Variants in UNC45B observed in about 807,000 individuals in gnomAD.
UNC45B encodes unc-45 myosin chaperone B.
In UNC45B, 78 loss-of-function variants were observed where a neutral mutation model predicts 98.7. The observed-to-expected ratio is 0.79, with a 90% CI of 0.66 to 0.95. The LOEUF (loss-of-function observed/expected upper bound fraction) is 0.95. Ranked by LOEUF, UNC45B falls within the 40% of genes least tolerant of loss-of-function variation. The pLI is 0.00. For synonymous variants in UNC45B, 462 were observed against 480.4 expected (o/e 0.96, Z 0.50); for missense variants, 1,225 against 1,184.9 (o/e 1.03, Z -0.50).
At chr17:35,180,290 A>AGAGAGAGAGAGAGAGAGAGAG (rs1597934958) in intron 17 of UNC45B, among the ~76,000 whole-genome samples, 2 of 90,868 alleles carry the variant, frequency 2.2e-5, no homozygotes, top group East Asian at 8.5e-4. Context: ...GAGAGAGAGA[A>AGAGAGAGAGAGAGAGAGAGAG]TTTCTTTACT....
chr17:35,159,150 G>A (rs542505080), intron 7 of UNC45B, among the ~76,000 whole-genome samples: 1 of 152,184 alleles, frequency 6.6e-6, no homozygotes, highest in Non-Finnish European at 1.5e-5. Context: ...AGCTGTTGTA[G>A]AAGTCAGGGT....
chr17:35,176,089 C>T (rs1567766759), intron 15 of UNC45B, 55 bp downstream of exon 15: 23 of 1,563,768 alleles, frequency 1.5e-5, no homozygotes, highest in East Asian at 6.7e-5. Context: ...CTTTGCCTAG[C>T]GCAAGAATTA....
intron 7 of UNC45B, among the ~76,000 whole-genome samples, chr17:35,159,040 T>C (rs1200434448): frequency 1.3e-4 from 20 of 152,232 alleles, no homozygotes; most frequent in Admixed American, 1.3e-3. Flanking sequence ...TTTTATTAAA[T>C]CAGTTTATTA....
intron 7 of UNC45B, among the ~76,000 whole-genome samples, 157 bp downstream of exon 7, chr17:35,155,621 G>A (rs1248167630): frequency 6.6e-6 from 1 of 152,088 alleles, no homozygotes; most frequent in African/African-American, 2.4e-5. Context: ...TGTCACCCAG[G>A]CTGGAGTGCA....
intron 7 of UNC45B, among the ~76,000 whole-genome samples, chr17:35,159,008 C>T (rs1351577): frequency 0.78 from 118,936 of 152,174 alleles, 46,735 homozygotes; most frequent in East Asian, 0.95. Flanking sequence ...CTAAAAAGTA[C>T]AAATTCCCCT....
In UNC45B at chr17:35,164,030, C is replaced by G. The variant is rs1432773164; in HGVS notation, c.1015C>G (p.Pro339Ala). 1 of 1,613,890 alleles carries G rather than the reference C, an allele frequency of 6.2e-7. No individual in the cohort carries two copies. ...GATCCTGAAGGTTGTGGGGCAGGTT[C>G]CAGATCTGCCATCCTGCCTGCCCCT... ...RKILKVVGQV[P>A]DLPSCLPLTD... Residue 339 changes from proline to alanine, a missense_variant, in exon 9 of 20, where the codon CCA (proline) becomes GCA (alanine). Physicochemically the swap from Pro to Ala is conservative, Grantham distance 27. Transcript: ENST00000394570.
At position 35,187,867 on chromosome 17, in the gene UNC45B, G is replaced by A. The variant is rs545767698; in HGVS notation, c.*1308G>A. 2.0e-5 allele frequency: 3 copies of A among 152,176 alleles called. 1 individual carries two copies. The highest frequency in any genetic ancestry group is 4.8e-5 in the African/African-American group (2 of 41,428). 9.4% of individuals were successfully genotyped at this position (152,176 alleles called of 1,614,324 possible). The stretch of plus-strand genomic sequence containing the variant: ...TCCAGTATGTCCCAATTCTACCTAC[G>A]TTTATTGAAGGGTCAACAGTTCTGA... On this transcript the variant is annotated 3_prime_UTR_variant, in exon 20 of 20. Coordinates refer to ENST00000394570, the MANE Select transcript of UNC45B (RefSeq NM_001267052.2).
At chr17:35,180,490 T>A (rs983754925) in intron 17 of UNC45B, 69 bp from the exon 18 acceptor site, 13 of 1,225,152 alleles carry the variant, frequency 1.1e-5, no homozygotes, top group South Asian at 1.3e-5. Context: ...GGTCCCTGGG[T>A]GGCCAGAAAA....
intron 17 of UNC45B, 76 bp downstream of exon 17, chr17:35,177,686 T>A: frequency 9.0e-7 from 1 of 1,114,464 alleles, no homozygotes; most frequent in Non-Finnish European, 1.3e-6. Context: ...CATAATGTGC[T>A]GAGAATGCTC....
At chr17:35,164,674 G>A (rs997719431) in intron 9 of UNC45B, 2 of 152,192 alleles carry the variant, frequency 1.3e-5, no homozygotes, top group Non-Finnish European at 1.5e-5. Context: ...GAAGAAATTA[G>A]GTTTCAGCTT....
intron 2 of UNC45B, 87 bp from the exon 3 acceptor site, chr17:35,148,886 C>G (rs1464951186): frequency 6.5e-7 from 1 of 1,536,116 alleles, no homozygotes; most frequent in Non-Finnish European, 9.0e-7. Flanking sequence ...CCAGGAAACC[C>G]TCTCCCCACA....
chr17:35,154,798 A>G, intron 6 of UNC45B, 57 bp downstream of exon 6: 1 of 1,499,468 alleles, frequency 6.7e-7, no homozygotes, highest in Non-Finnish European at 8.8e-7. Context: ...AAGGATCCGG[A>G]GGGTGACGTG....
intron 3 of UNC45B, 63 bp from the exon 4 acceptor site, chr17:35,149,985 A>T: frequency 6.8e-7 from 1 of 1,479,876 alleles, no homozygotes; most frequent in South Asian, 1.4e-5. Flanking sequence ...GAGTTGGGGC[A>T]GTGGGGCTGG....
At chr17:35,162,657 TTG>T (rs1446229001) in intron 8 of UNC45B, among the ~76,000 whole-genome samples, 1 of 152,116 alleles carries the variant, frequency 6.6e-6, no homozygotes, top group Admixed American at 6.6e-5. Context: ...TGGCGTGATC[TTG>T]GCTCACTGAA....
chr17:35,179,832 A>G (rs1021083376), intron 17 of UNC45B, among the ~76,000 whole-genome samples: 1 of 152,086 alleles, frequency 6.6e-6, no homozygotes, highest in African/African-American at 2.4e-5. Context: ...GCAAGCCAAC[A>G]TGGCACGCAC....
At chr17:35,152,361 T>A (rs2142531419) in intron 4 of UNC45B, among the ~76,000 whole-genome samples, 1 of 152,226 alleles carries the variant, frequency 6.6e-6, no homozygotes, top group East Asian at 1.9e-4. Context: ...AGGATGATGA[T>A]CAGTTAGGTC....
intron 19 of UNC45B, among the ~76,000 whole-genome samples, chr17:35,184,947 G>A (rs1055508932): frequency 6.6e-6 from 1 of 152,114 alleles, no homozygotes; most frequent in Non-Finnish European, 1.5e-5. Flanking sequence ...TTCCTGCTCT[G>A]GAATCCTATC....
chr17:35,156,814 A>T (rs2092065874), intron 7 of UNC45B, among the ~76,000 whole-genome samples: 1 of 152,102 alleles, frequency 6.6e-6, no homozygotes, highest in Non-Finnish European at 1.5e-5. Context: ...TTTTTTTTTA[A>T]ACCATCAATA....
rs1048193939 is a variant in UNC45B, at chr17:35,164,393, G to A, written c.1151+227G>A. 7.6e-6 allele frequency: 3 copies of A among 393,538 alleles called. No homozygotes were observed. The Admixed American group carries it at 1.4e-4, about 18-fold the overall frequency. The allele number at this position is 393,538 out of a possible 1,614,324, so 24.4% of individuals were successfully genotyped here. ...GCCATCTGGAGGCTTGACTGGGGCT[G>A]GAAAATGCTTCCAAGATGGTGGACT... On this transcript the variant is annotated intron_variant, in intron 9 of 19. Transcript: ENST00000394570.
Sources: gnomAD v4.1 joint callset for allele counts (sites outside exome capture counted in the v4.1 genomes callset) on GRCh38, gnomAD v4.1.1 for gene constraint, MANE v1.5 for transcripts, NCBI Gene and HGNC (gene_info 2026-07-23, HGNC 2026-07-21) for gene names.